Variants in DENND1A observed in about 807,000 individuals in gnomAD.
DENND1A encodes DENN domain-containing protein 1A.
In DENND1A, 51 loss-of-function variants were observed where a neutral mutation model predicts 113.7. The observed-to-expected ratio is 0.45, with a 90% CI of 0.36 to 0.57. DENND1A has a LOEUF of 0.57. Among genes scored for constraint, DENND1A ranks in the 20% least tolerant of loss-of-function variants. The pLI, the probability that DENND1A is intolerant of heterozygous loss-of-function variation, is 0.00. For missense variants in DENND1A, 1,258 were observed against 1,395.9 expected (o/e 0.90, Z 1.57); for synonymous variants, 565 against 570.8 (o/e 0.99, Z 0.14).
At chr9:123,732,806 G>A (rs1029386077) in intron 5 of DENND1A, among the ~76,000 whole-genome samples, 1 of 152,190 alleles carries the variant, frequency 6.6e-6, no homozygotes, top group African/African-American at 2.4e-5. Context: ...ATCCTGCCAA[G>A]GTTTTGCTGT....
At position 123,566,490 on chromosome 9, in the gene DENND1A, G is replaced by A. The variant is rs75620830; in HGVS notation, c.868-8795C>T. On this transcript the variant is annotated intron_variant, in intron 12 of 23. Coordinates refer to ENST00000394215, the MANE Select transcript of DENND1A (RefSeq NM_001352964.2). ...CTGTGTATATGTCAGAAAGTTAGTGGCAAGAGTTAGAATTCCAGGCAGCTT... is the reference window on the plus strand; with the variant it reads ...CTGTGTATATGTCAGAAAGTTAGTGACAAGAGTTAGAATTCCAGGCAGCTT... 8.3e-4 allele frequency among the ~76,000 whole-genome samples: 127 copies of A among 152,226 alleles called. 1 individual carries two copies. In the East Asian group the frequency reaches 0.02, roughly 23 times the overall value.
At chr9:123,660,175 C>T (rs796460806) in intron 8 of DENND1A, among the ~76,000 whole-genome samples, 5 of 152,230 alleles carry the variant, frequency 3.3e-5, no homozygotes, top group African/African-American at 9.6e-5. Context: ...CTGTCTAAAA[C>T]GGGGCTCAGG....
chr9:123,686,218 T>G (rs2064801485), intron 5 of DENND1A, among the ~76,000 whole-genome samples: 1 of 152,198 alleles, frequency 6.6e-6, no homozygotes, highest in African/African-American at 2.4e-5. Context: ...AGATGAATTA[T>G]CCCATTTTAC....
intron 7 of DENND1A, 98 bp downstream of exon 7, chr9:123,671,193 G>C: frequency 4.3e-6 from 6 of 1,396,814 alleles, no homozygotes; most frequent in Non-Finnish European, 6.1e-6. Context: ...GGTTAGGGGA[G>C]GTATGGCTGA....
chr9:123,882,958 C>T (rs1848530449), intron 1 of DENND1A, among the ~76,000 whole-genome samples: 1 of 152,228 alleles, frequency 6.6e-6, no homozygotes, highest in Admixed American at 6.5e-5. Context: ...GATCTGGCCT[C>T]TGCCTACCTG....
At chr9:123,478,046 GC>G (rs2050052962) in intron 13 of DENND1A, among the ~76,000 whole-genome samples, 1 of 152,200 alleles carries the variant, frequency 6.6e-6, no homozygotes, top group Non-Finnish European at 1.5e-5. Flanking sequence ...CAAGGCATTT[GC>G]TGGTCAGGGT....
intron 11 of DENND1A, among the ~76,000 whole-genome samples, chr9:123,609,075 T>C (rs1223726381): frequency 2.0e-5 from 3 of 152,238 alleles, no homozygotes; most frequent in Admixed American, 6.5e-5. Flanking sequence ...ATACATTTTA[T>C]ATCACATTTA....
At chr9:123,839,214 A>T (rs1243921124) in intron 2 of DENND1A, among the ~76,000 whole-genome samples, 1 of 152,232 alleles carries the variant, frequency 6.6e-6, no homozygotes, top group Non-Finnish European at 1.5e-5. Context: ...GCAGAGGCAA[A>T]GCCATGATGA....
rs549527589 is a variant in DENND1A, at chr9:123,563,332, C to T, written c.868-5637G>A. On this transcript the variant is annotated intron_variant, in intron 12 of 23. Transcript: ENST00000394215. ...GGTCACTGTTCTCAACCTCTCAGGT[C>T]CCCTGGCTTCATCTACTCCTCTGTC... Among the ~76,000 whole-genome samples, 10 of 152,294 alleles carry T rather than the reference C, an allele frequency of 6.6e-5. No individual in the cohort carries two copies. In the South Asian group the frequency reaches 1.7e-3, roughly 25 times the overall value.
At chr9:123,442,904 G>A (rs1451246681) in intron 18 of DENND1A, among the ~76,000 whole-genome samples, 1 of 152,106 alleles carries the variant, frequency 6.6e-6, no homozygotes, top group Non-Finnish European at 1.5e-5. Flanking sequence ...GAGATAGGAG[G>A]AAGCTTTGAA....
intron 4 of DENND1A, among the ~76,000 whole-genome samples, chr9:123,765,054 G>C (rs1417796396): frequency 6.6e-6 from 1 of 152,168 alleles, no homozygotes; most frequent in African/African-American, 2.4e-5. Flanking sequence ...GGGAAGATAA[G>C]ATGTTAATAC....
chr9:123,906,064 C>T (rs1255776541), intron 1 of DENND1A, among the ~76,000 whole-genome samples: 15 of 151,914 alleles, frequency 9.9e-5, no homozygotes, highest in South Asian at 4.2e-4. Context: ...CACTCAAAAC[C>T]GCTCAACTAC....
At chr9:123,677,839 C>G (rs2064185309) in intron 5 of DENND1A, among the ~76,000 whole-genome samples, 1 of 152,216 alleles carries the variant, frequency 6.6e-6, no homozygotes, top group African/African-American at 2.4e-5. Context: ...TTAGGATGGA[C>G]TTCTGGGGCT....
intron 5 of DENND1A, among the ~76,000 whole-genome samples, chr9:123,699,180 T>C (rs2065717022): frequency 6.6e-6 from 1 of 152,162 alleles, no homozygotes; most frequent in South Asian, 2.1e-4. Flanking sequence ...AATCAATAAA[T>C]GGCAGCTGCT....
chr9:123,545,174 GT>G (rs1406161201), intron 13 of DENND1A, among the ~76,000 whole-genome samples: 1 of 151,954 alleles, frequency 6.6e-6, no homozygotes, highest in Non-Finnish European at 1.5e-5. Context: ...ATCAGGTTCT[GT>G]GCCAAGGATA....
intron 1 of DENND1A, among the ~76,000 whole-genome samples, chr9:123,881,163 C>G (rs1848260033): frequency 6.6e-6 from 1 of 152,010 alleles, no homozygotes; most frequent in South Asian, 2.1e-4. Flanking sequence ...GACATTAAGT[C>G]ACAGTATCTT....
intron 21 of DENND1A, among the ~76,000 whole-genome samples, chr9:123,389,160 C>A (rs1298656029): frequency 2.6e-5 from 4 of 152,384 alleles, no homozygotes; most frequent in African/African-American, 9.6e-5. Flanking sequence ...GGGGACGGGG[C>A]AGGTGGCCTG....
At chr9:123,637,938 C>T (rs1489748044) in intron 9 of DENND1A, among the ~76,000 whole-genome samples, 1 of 43,570 alleles carries the variant, frequency 2.3e-5, no homozygotes, top group Non-Finnish European at 4.4e-5. Flanking sequence ...CACACGCACA[C>T]ACACACACAC....
At chr9:123,821,894 G>T (rs1838541583) in intron 2 of DENND1A, among the ~76,000 whole-genome samples, 1 of 152,200 alleles carries the variant, frequency 6.6e-6, no homozygotes, top group African/African-American at 2.4e-5. Context: ...GGAGACTGGA[G>T]TATAAAACAA....
Sources: gnomAD v4.1 joint callset for allele counts (sites outside exome capture counted in the v4.1 genomes callset) on GRCh38, gnomAD v4.1.1 for gene constraint, MANE v1.5 for transcripts, NCBI Gene and HGNC (gene_info 2026-07-23, HGNC 2026-07-21) for gene names.